Variants in LRBA observed in about 807,000 individuals in gnomAD.
LRBA encodes lipopolysaccharide-responsive and beige-like anchor protein.
LRBA carries 176 observed loss-of-function variants against 330.0 expected under a neutral mutation model. The ratio of observed to expected loss-of-function variants is 0.53; its 90% CI spans 0.47 to 0.60. The LOEUF (loss-of-function observed/expected upper bound fraction) is 0.60, where lower values mean the gene tolerates loss of function less well. LRBA is among the 20% of genes least tolerant of loss of function. The pLI is 0.00. For synonymous variants in LRBA, 1,230 were observed against 1,193.0 expected (o/e 1.03, Z -0.64); for missense variants, 3,259 against 3,444.8 (o/e 0.95, Z 1.35).
chr4:150,962,907 T>A (rs1000825929), intron 2 of LRBA, among the ~76,000 whole-genome samples: 1 of 147,380 alleles, frequency 6.8e-6, no homozygotes, highest in Admixed American at 6.6e-5. Flanking sequence ...TGAGCCGATA[T>A]CACACCACTG....
intron 17 of LRBA, among the ~76,000 whole-genome samples, chr4:150,876,486 A>T (rs2127024450): frequency 6.6e-6 from 1 of 152,348 alleles, no homozygotes; most frequent in Non-Finnish European, 1.5e-5. Context: ...ACATACAAAC[A>T]GAACCCCATC....
chr4:150,715,713 A>G (rs932003038), intron 36 of LRBA, among the ~76,000 whole-genome samples: 1 of 152,214 alleles, frequency 6.6e-6, no homozygotes, highest in Admixed American at 6.5e-5. Flanking sequence ...TGAGTTACAG[A>G]CACTTGCCAA....
intron 34 of LRBA, among the ~76,000 whole-genome samples, chr4:150,768,291 G>T (rs775987572): frequency 6.6e-6 from 1 of 151,826 alleles, no homozygotes; most frequent in Non-Finnish European, 1.5e-5. Flanking sequence ...ACATGAGGAA[G>T]GAAATCAATG....
intron 37 of LRBA, among the ~76,000 whole-genome samples, chr4:150,624,750 C>A (rs2126643415): frequency 6.6e-6 from 1 of 152,174 alleles, no homozygotes; most frequent in East Asian, 1.9e-4. Flanking sequence ...TAAAGCATAT[C>A]TTTACTCAAT....
chr4:150,684,156 G>A (rs1172260947), intron 36 of LRBA, among the ~76,000 whole-genome samples: 2 of 152,170 alleles, frequency 1.3e-5, no homozygotes, highest in Admixed American at 1.3e-4. Flanking sequence ...TGGAATCCCA[G>A]AGGAAAGTTT....
chr4:150,947,545 A>G (rs1325491495), intron 2 of LRBA, among the ~76,000 whole-genome samples: 1 of 152,100 alleles, frequency 6.6e-6, no homozygotes, highest in Non-Finnish European at 1.5e-5. Context: ...TTGATAAGCA[A>G]CATTTACATA....
intron 14 of LRBA, among the ~76,000 whole-genome samples, chr4:150,899,595 A>C (rs1246446186): frequency 6.6e-6 from 1 of 152,206 alleles, no homozygotes; most frequent in African/African-American, 2.4e-5. Context: ...AGTCCTCATT[A>C]TGTAAGAAAA....
intron 5 of LRBA, among the ~76,000 whole-genome samples, chr4:150,918,413 T>C (rs1224752251): frequency 6.6e-6 from 1 of 152,156 alleles, no homozygotes; most frequent in Non-Finnish European, 1.5e-5. Flanking sequence ...TACAATGAGA[T>C]ATCACTTCAT....
chr4:150,752,915 A>AAGAT (rs1335144986), intron 35 of LRBA, among the ~76,000 whole-genome samples: 1 of 152,212 alleles, frequency 6.6e-6, no homozygotes, highest in African/African-American at 2.4e-5. Context: ...AAAGAGACAG[A>AAGAT]AGATAGTTAC....
intron 2 of LRBA, among the ~76,000 whole-genome samples, chr4:150,940,229 C>G (rs1195550462): frequency 8.9e-6 from 1 of 111,790 alleles, no homozygotes; most frequent in Non-Finnish European, 1.9e-5. Context: ...CATAGCAAGA[C>G]CTGGTCTCTT....
chr4:150,433,639 T>C (rs1214813422), intron 46 of LRBA, among the ~76,000 whole-genome samples: 2 of 152,166 alleles, frequency 1.3e-5, no homozygotes, highest in African/African-American at 2.4e-5. Context: ...AAGTCTTCAA[T>C]TTCATAACAA....
At chr4:150,587,575 G>T (rs1446851665) in intron 40 of LRBA, among the ~76,000 whole-genome samples, 1 of 152,122 alleles carries the variant, frequency 6.6e-6, no homozygotes, top group African/African-American at 2.4e-5. Flanking sequence ...TCTACTATAG[G>T]TAATGGGAAA....
intron 56 of LRBA, among the ~76,000 whole-genome samples, chr4:150,267,521 A>T (rs1745513585): frequency 6.6e-6 from 1 of 152,226 alleles, no homozygotes; most frequent in Non-Finnish European, 1.5e-5. Context: ...ATGCAGCAAA[A>T]GCAATGCTAA....
At position 150,516,215 on chromosome 4, in the gene LRBA, C is replaced by CTTTTTTTTTTTTTTTT. The variant is rs1384014823; in HGVS notation, c.6331-25181_6331-25180insAAAAAAAAAAAAAAAA. On this transcript the variant is annotated intron_variant, in intron 40 of 56. Transcript: ENST00000651943. ...GTAATTCAGTCTGACATTTTCTATT[C>CTTTTTTTTTTTTTTTT]TCTTTTTTTTTTTTTTTTTTTTTTT... 3.0e-4 allele frequency among the ~76,000 whole-genome samples: 26 copies of CTTTTTTTTTTTTTTTT among 86,676 alleles called. 12 individuals carry two copies. Among genetic ancestry groups the CTTTTTTTTTTTTTTTT allele is most frequent in the East Asian group, 7.3e-4 (2 of 2,742 alleles). The allele number at this position is 86,676 out of a possible 152,430, so 56.9% of individuals were successfully genotyped here.
chr4:150,877,964 A>T (rs1754238132), intron 17 of LRBA, among the ~76,000 whole-genome samples: 1 of 152,212 alleles, frequency 6.6e-6, no homozygotes, highest in Non-Finnish European at 1.5e-5. Flanking sequence ...GCAGAAATTT[A>T]AAAATTTTTT....
intron 34 of LRBA, among the ~76,000 whole-genome samples, chr4:150,788,814 C>T (rs1424035300): frequency 6.6e-6 from 1 of 150,830 alleles, no homozygotes; most frequent in East Asian, 2.0e-4. Flanking sequence ...GTGGCTCACG[C>T]CTATAATCCC....
chr4:150,533,470 C>G (rs1183785965), intron 40 of LRBA, among the ~76,000 whole-genome samples: 1 of 145,298 alleles, frequency 6.9e-6, no homozygotes, highest in Non-Finnish European at 1.5e-5. Flanking sequence ...TCATGCCCAG[C>G]CAAAACCCAT....
chr4:150,960,134 A>G (rs953623245), intron 2 of LRBA, among the ~76,000 whole-genome samples: 6 of 149,038 alleles, frequency 4.0e-5, no homozygotes, highest in African/African-American at 1.6e-4. Context: ...TATTCCATTT[A>G]ATACATGAAA....
rs756325990 is a variant in LRBA at position 150,490,961 on chromosome 4, A to G, written c.6405T>C (p.Tyr2135=). The stretch of plus-strand genomic sequence containing the variant: ...TCTCCAGGGCTGTATTTTGCAAAAG[A>G]TAACGACGAGAAAAGATTGATCGTA... ...TEIRSIFSRR[Y]LLQNTALEIF... is the part of the protein sequence containing the mutation. Residue 2135 remains tyrosine, a synonymous_variant, in exon 41 of 57, where the codon TAT becomes TAC. Transcript: ENST00000651943. 1 of 1,610,220 alleles carries G rather than the reference A, an allele frequency of 6.2e-7. No individual in the cohort carries two copies. Among genetic ancestry groups the G allele is most frequent in the Admixed American group, 1.7e-5 (1 of 59,936 alleles).
Sources: gnomAD v4.1 joint callset for allele counts (sites outside exome capture counted in the v4.1 genomes callset) on GRCh38, gnomAD v4.1.1 for gene constraint, MANE v1.5 for transcripts, NCBI Gene and HGNC (gene_info 2026-07-23, HGNC 2026-07-21) for gene names.